TIPARP: variants seen among roughly 807,000 people sequenced by gnomAD.
TIPARP encodes TCDD inducible poly(ADP-ribose) polymerase.
In TIPARP, 12 loss-of-function variants were observed where a neutral mutation model predicts 56.5. That is an observed-to-expected ratio of 0.21 (90% CI 0.14 to 0.34). The LOEUF (loss-of-function observed/expected upper bound fraction) is 0.34. TIPARP is among the 10% of genes least tolerant of loss of function. The probability of loss-of-function intolerance (pLI) is 1.00; values close to 1 mark genes in which losing one functional copy is unlikely to be tolerated. For missense variants in TIPARP, 604 were observed against 781.6 expected (o/e 0.77, Z 2.71); for synonymous variants, 296 against 265.7 (o/e 1.11, Z -1.11).
chr3:156,681,918 T>G (rs1722317835), intron 2 of TIPARP, among the ~76,000 whole-genome samples: 1 of 151,922 alleles, frequency 6.6e-6, no homozygotes, highest in Non-Finnish European at 1.5e-5. Flanking sequence ...GAAACAACAT[T>G]GAGTGTTGTG....
rs200460123 is a variant in TIPARP at position 156,703,449 on chromosome 3, G to C, written c.1273G>C (p.Ala425Pro). The change falls in exon 5 of 6, where the codon GCT becomes CCT. Residue 425 changes from alanine to proline, a missense_variant. By Grantham distance (27) the Ala-to-Pro change is conservative. This residue lies in a region of TIPARP where 252 missense variants were observed against 303.9 expected (regional missense o/e 0.83). Transcript: ENST00000295924. ...LQTLGGVPTQ[A>P]PPPLEATSSS... ...GACACTTGGTGGGGTTCCCACACAA[G>C]CTCCTCCACCTCTTGAAGCAACTTC... The C allele has an allele frequency of 1.3e-4, 209 of 1,613,996 alleles. No individual in the cohort carries two copies. Among genetic ancestry groups the C allele is most frequent in the Non-Finnish European group, 1.6e-4 (188 of 1,180,040 alleles).
intron 2 of TIPARP, among the ~76,000 whole-genome samples, chr3:156,686,913 C>G (rs1015732348): frequency 7.9e-5 from 12 of 151,956 alleles, no homozygotes; most frequent in African/African-American, 2.9e-4. Context: ...TAAGGGATGT[C>G]AAAGTCTATA....
At chr3:156,678,846 C>G (rs1390372153) in intron 2 of TIPARP, among the ~76,000 whole-genome samples, 2 of 152,128 alleles carry the variant, frequency 1.3e-5, no homozygotes, top group Admixed American at 6.5e-5. Flanking sequence ...GTTCAACGTG[C>G]GTGTGACTGA....
chr3:156,698,494 A>T (rs1034178316), intron 4 of TIPARP, among the ~76,000 whole-genome samples: 1 of 152,200 alleles, frequency 6.6e-6, no homozygotes, highest in African/African-American at 2.4e-5. Flanking sequence ...AAATTGTGCT[A>T]AATCTACTCT....
chr3:156,675,090 G>C (rs775099740), intron 1 of TIPARP: 1 of 152,268 alleles, frequency 6.6e-6, no homozygotes, highest in Admixed American at 6.5e-5. Flanking sequence ...CCCCTTCCCC[G>C]TTCGTCAGGG....
intron 2 of TIPARP, among the ~76,000 whole-genome samples, chr3:156,690,989 C>G (rs1722560069): frequency 6.6e-6 from 1 of 152,150 alleles, no homozygotes; most frequent in African/African-American, 2.4e-5. Context: ...CTCTGACACC[C>G]TGGACTTAAA....
intron 2 of TIPARP, among the ~76,000 whole-genome samples, chr3:156,679,792 A>C (rs965409219): frequency 6.6e-6 from 1 of 152,190 alleles, no homozygotes; most frequent in Non-Finnish European, 1.5e-5. Context: ...TACACTACCT[A>C]TGTGTCTAGA....
Position 156,694,098 on chromosome 3 carries a change from C to T in TIPARP, c.996C>T (p.Ser332=), listed in dbSNP as rs1559974821. Reference sequence around the variant, plus strand: ...AATTTGACCAACTACGAAGGCTGTCCACACCACCCTCTAGCAATGTCAACT... The same window carrying T: ...AATTTGACCAACTACGAAGGCTGTCTACACCACCCTCTAGCAATGTCAACT... ...TTEFDQLRRL[S]TPPSSNVNSI... is the part of the protein sequence containing the mutation. The change falls in exon 3 of 6, where the codon TCC becomes TCT. Residue 332 remains serine (S), a synonymous_variant. Transcript: ENST00000295924. 2 of 1,613,544 alleles carry T rather than the reference C, an allele frequency of 1.2e-6. No individual in the cohort carries two copies. The highest frequency in any genetic ancestry group is 2.2e-5 in the South Asian group (2 of 91,044).
intron 1 of TIPARP, 189 bp downstream of exon 1, chr3:156,674,985 G>A (rs1722076715): frequency 6.6e-6 from 1 of 152,428 alleles, no homozygotes. Context: ...CATGAAGATG[G>A]AATTGGTTTA....
Position 156,703,277 on chromosome 3 carries a change from TTAAA to T in TIPARP, c.1248-144_1248-141del, listed in dbSNP as rs904064594. ...GTTTGCTCCAAGCCTTTTTTTTTAA[TTAAA>T]TAGATAGCATTTTTTACTTTTAAAA... On this transcript the variant is annotated intron_variant, in intron 4 of 5. Coordinates refer to ENST00000295924, the MANE Select transcript of TIPARP (RefSeq NM_015508.5). 5 of 866,188 alleles carry T rather than the reference TTAAA, an allele frequency of 5.8e-6. No homozygotes were observed. The African/African-American group carries it at 6.9e-5, about 12-fold the overall frequency. 53.7% of individuals were successfully genotyped at this position (866,188 alleles called of 1,614,324 possible).
At chr3:156,676,941 G>A (rs1473874187) in intron 1 of TIPARP, among the ~76,000 whole-genome samples, 2 of 152,184 alleles carry the variant, frequency 1.3e-5, no homozygotes, top group African/African-American at 4.8e-5. Context: ...ACATCGTGCA[G>A]TGGTTGTTGC....
chr3:156,689,368 C>A (rs1722511198), intron 2 of TIPARP, among the ~76,000 whole-genome samples: 1 of 152,124 alleles, frequency 6.6e-6, no homozygotes, highest in African/African-American at 2.4e-5. Context: ...ACATTGCCTC[C>A]TTAGTCCTCT....
chr3:156,677,724 G>T lies in TIPARP; in HGVS notation c.27G>T (p.Glu9Asp). The change falls in exon 2 of 6, where the codon GAG (glutamate) becomes GAT (aspartate). Residue 9 changes from glutamate (E) to aspartate (D), a missense_variant. Coordinates refer to ENST00000295924, the MANE Select transcript of TIPARP (RefSeq NM_015508.5). ...TGGAAATGGAAACCACCGAACCTGA[G>T]CCAGACTGTGTAGTGCAGCCTCCCT... is the stretch of plus-strand genomic sequence containing the variant. MEMETTEP[E>D]PDCVVQPPSP... 1 of 1,604,528 alleles carries T rather than the reference G, an allele frequency of 6.2e-7. No homozygotes were observed. Among genetic ancestry groups the T allele is most frequent in the Non-Finnish European group, 8.5e-7 (1 of 1,176,830 alleles).
At chr3:156,685,234 A>T (rs1442483278) in intron 2 of TIPARP, among the ~76,000 whole-genome samples, 4 of 152,228 alleles carry the variant, frequency 2.6e-5, no homozygotes, top group Non-Finnish European at 5.9e-5. Context: ...TTAACTAAGC[A>T]TTCCTATTTG....
chr3:156,683,779 C>T (rs964937746), intron 2 of TIPARP, among the ~76,000 whole-genome samples: 2 of 152,142 alleles, frequency 1.3e-5, no homozygotes, highest in African/African-American at 4.8e-5. Flanking sequence ...GGTGCTATTC[C>T]TAAAGGATAA....
At chr3:156,698,226 T>C (rs1337191297) in intron 4 of TIPARP, among the ~76,000 whole-genome samples, 3 of 152,182 alleles carry the variant, frequency 2.0e-5, no homozygotes, top group Non-Finnish European at 4.4e-5. Context: ...ATCTCTCTTA[T>C]AGAAGTGCAA....
chr3:156,678,094 C>G lies in TIPARP; in HGVS notation c.397C>G (p.Arg133Gly), dbSNP rs569197742. 1.9e-6 allele frequency: 3 copies of G among 1,614,084 alleles called. No individual in the cohort carries two copies. The highest frequency in any genetic ancestry group is 3.3e-5 in the Admixed American group (2 of 60,024). ...EAHPSTEAPE[R>G]VVPIQDHSFP... ...CCATCCTTCCACTGAAGCTCCAGAA[C>G]GAGTGGTTCCAATCCAAGATCACAG... The change falls in exon 2 of 6, where the codon CGA (arginine) becomes GGA (glycine). Residue 133 changes from arginine to glycine, a missense_variant. By Grantham distance (125) the Arg-to-Gly change is moderately radical. This residue lies in a region of TIPARP where 261 missense variants were observed against 279.2 expected (regional missense o/e 0.93). Transcript: ENST00000295924.
At chr3:156,681,407 T>C (rs1722301829) in intron 2 of TIPARP, among the ~76,000 whole-genome samples, 1 of 152,230 alleles carries the variant, frequency 6.6e-6, no homozygotes, top group Non-Finnish European at 1.5e-5. Flanking sequence ...TAAATCATTA[T>C]CATATTCTGT....
In TIPARP at chr3:156,706,533, G is replaced by T. The variant is rs996282821; in HGVS notation, c.*1402G>T. 6.6e-6 allele frequency: 1 copy of T among 152,564 alleles called. No homozygotes were observed. Among genetic ancestry groups the T allele is most frequent in the Non-Finnish European group, 1.5e-5 (1 of 68,028 alleles). The allele number at this position is 152,564 out of a possible 1,614,324, so 9.5% of individuals were successfully genotyped here. A position where few individuals can be genotyped will look rare whatever the true frequency, so the allele number is the denominator to read the frequency against. The stretch of plus-strand genomic sequence containing the variant: ...TATTTATTTTGCCCTAGTTAATCCT[G>T]TTGTTTGCTGCCATTGGCATGAAAT... On this transcript the variant is annotated 3_prime_UTR_variant, in exon 6 of 6. Transcript: ENST00000295924.
Sources: gnomAD v4.1 joint callset for allele counts (sites outside exome capture counted in the v4.1 genomes callset) on GRCh38, gnomAD v4.1.1 for gene constraint, gnomAD v4.1.1 regional missense constraint, MANE v1.5 for transcripts, NCBI Gene and HGNC (gene_info 2026-07-23, HGNC 2026-07-21) for gene names.